ZNF578: variants seen among roughly 807,000 people sequenced by gnomAD.
The protein encoded by ZNF578 is Putative chemokine-related protein B42.
In ZNF578, 8 loss-of-function variants were observed where a neutral mutation model predicts 8.3. The observed-to-expected ratio is 0.96, with a 90% CI of 0.56 to 1.74. The LOEUF (loss-of-function observed/expected upper bound fraction) is 1.74, where lower values mean the gene tolerates loss of function less well. ZNF578 is among the 40% of genes most tolerant of loss of function. The pLI is 0.00. For synonymous variants in ZNF578, 206 were observed against 232.2 expected, an observed-to-expected ratio of 0.89 and a Z score of 1.03; for missense variants, 726 against 707.5, an observed-to-expected ratio of 1.03 and a Z score of -0.30.
chr19:52,473,128 G>A (rs979158), intron 2 of ZNF578, among the ~76,000 whole-genome samples: 128,463 of 152,146 alleles, frequency 0.84, 56,077 homozygotes, highest in Non-Finnish European at 0.96. Flanking sequence ...GGCAGGCCTC[G>A]ACAAAGCCTG....
chr19:52,492,819 A>T (rs2122888682), intron 3 of ZNF578: 1 of 152,346 alleles, frequency 6.6e-6, no homozygotes, highest in South Asian at 2.1e-4. Flanking sequence ...CTGCGCGCGC[A>T]AACCAGGTGG....
In ZNF578 at chr19:52,516,490, TC is replaced by T. The variant is rs2059476600; in HGVS notation, c.*4337del. Among the ~76,000 whole-genome samples, 2 of 152,178 alleles carry T rather than the reference TC, an allele frequency of 1.3e-5. 1 individual carries two copies. The highest frequency in any genetic ancestry group is 2.9e-5 in the Non-Finnish European group (2 of 68,028). ...TGCTCAGGGTGAGGTCTCCTTTGTG[TC>T]AGGCCTCTGAGCCCAAGCTAAGCCA... On this transcript the variant is annotated 3_prime_UTR_variant, in exon 6 of 6. Coordinates refer to ENST00000421239, the MANE Select transcript of ZNF578 (RefSeq NM_001099694.2).
At chr19:52,503,480 G>C (rs1002702623) in intron 4 of ZNF578, among the ~76,000 whole-genome samples, 1 of 152,116 alleles carries the variant, frequency 6.6e-6, no homozygotes, top group African/African-American at 2.4e-5. Flanking sequence ...GGAGTATCTG[G>C]GATTACAGGC....
intron 5 of ZNF578, among the ~76,000 whole-genome samples, chr19:52,510,329 CAT>C (rs1266596038): frequency 3.9e-5 from 6 of 152,104 alleles, no homozygotes; most frequent in African/African-American, 1.4e-4. Flanking sequence ...TAGGCTTACA[CAT>C]GTTTGTGCCC....
At chr19:52,472,140 C>T (rs1269007840) in intron 2 of ZNF578, among the ~76,000 whole-genome samples, 3 of 152,148 alleles carry the variant, frequency 2.0e-5, no homozygotes, top group Admixed American at 6.5e-5. Context: ...CCTGTATTCC[C>T]AGCACTTTGG....
intron 3 of ZNF578, among the ~76,000 whole-genome samples, chr19:52,501,399 A>G (rs940336019): frequency 5.9e-5 from 9 of 152,224 alleles, no homozygotes; most frequent in Non-Finnish European, 1.3e-4. Context: ...ACCCACCCTC[A>G]GTAATACCTG....
intron 2 of ZNF578, among the ~76,000 whole-genome samples, chr19:52,490,057 G>A (rs1364442462): frequency 6.6e-6 from 1 of 152,164 alleles, no homozygotes; most frequent in Admixed American, 6.5e-5. Context: ...ATTCAGACCA[G>A]GGAGCCTGCA....
intron 2 of ZNF578, among the ~76,000 whole-genome samples, chr19:52,459,743 G>A (rs1305177708): frequency 4.1e-5 from 1 of 24,394 alleles, no homozygotes; most frequent in African/African-American, 1.2e-4. Context: ...GTGTGTGTGT[G>A]TGTGTGTGTA....
At chr19:52,497,057 G>A (rs35591322) in intron 3 of ZNF578, among the ~76,000 whole-genome samples, 9,218 of 151,550 alleles carry the variant, frequency 0.061, 298 homozygotes, top group Middle Eastern at 0.13. Flanking sequence ...CTCAGCCTCC[G>A]GAGTAGCTGG....
intron 3 of ZNF578, among the ~76,000 whole-genome samples, chr19:52,493,392 T>TC (rs1475784595): frequency 1.3e-5 from 2 of 152,128 alleles, no homozygotes; most frequent in Admixed American, 6.5e-5. Context: ...ATTGGGCAGG[T>TC]CCCAGGGGCT....
At chr19:52,458,812 A>G (rs147940342) in intron 2 of ZNF578, 85 of 152,254 alleles carry the variant, frequency 5.6e-4, no homozygotes, top group African/African-American at 1.9e-3. Flanking sequence ...TCATTTAGGA[A>G]TAAAGTTTTG....
Position 52,511,694 on chromosome 19 carries a change from A to C in ZNF578, c.1313A>C (p.His438Pro). ...AATGACTGTGGTAAGGCTTTTATTCATCAGTCAAGCCTTGCACGTCATCAT... is the reference window on the plus strand; with the variant it reads ...AATGACTGTGGTAAGGCTTTTATTCCTCAGTCAAGCCTTGCACGTCATCAT... ...KCNDCGKAFIHQSSLARHHRL... is the reference protein window; with the variant it reads ...KCNDCGKAFIPQSSLARHHRL... Residue 438 changes from histidine to proline, a missense_variant, in exon 6 of 6, where the codon CAT (histidine) becomes CCT (proline). His to Pro is a moderately conservative substitution (Grantham distance 77). Transcript: ENST00000421239. 6.2e-7 allele frequency: 1 copy of C among 1,613,764 alleles called. No homozygotes were observed. The highest frequency in any genetic ancestry group is 1.1e-5 in the South Asian group (1 of 91,056).
In ZNF578 at chr19:52,510,937, G is replaced by A. The variant is rs755843410; in HGVS notation, c.556G>A (p.Asp186Asn). 3.1e-6 allele frequency: 5 copies of A among 1,614,070 alleles called. No homozygotes were observed. The highest frequency in any genetic ancestry group is 1.7e-5 in the Admixed American group (1 of 60,002). ...TAATCAAGTGGAGAAGTCTGTCAAC[G>A]ATGCTTCCTCAATTTCAACATCCCA... The part of the protein sequence containing the change: ...IANQVEKSVN[D>N]ASSISTSQRI... Residue 186 changes from aspartate (D) to asparagine (N), a missense_variant, in exon 6 of 6, where the codon GAT becomes AAT. Coordinates refer to ENST00000421239, the MANE Select transcript of ZNF578 (RefSeq NM_001099694.2).
Position 52,510,709 on chromosome 19 carries a change from A to G in ZNF578, c.328A>G (p.Ile110Val). The stretch of plus-strand genomic sequence containing the variant: ...TTGCTTCCAGGAAATTGAAAAAGAT[A>G]TTCATGACTTTGAGTTTCAGTCACA... ...DFCFQEIEKD[I>V]HDFEFQSQKD... The change falls in exon 6 of 6, where the codon ATT becomes GTT. Residue 110 changes from isoleucine (I) to valine (V), a missense_variant. Transcript: ENST00000421239. The G allele has an allele frequency of 6.2e-7, 1 of 1,613,044 alleles. No homozygotes were observed. The highest frequency in any genetic ancestry group is 1.7e-5 in the Admixed American group (1 of 59,652).
At chr19:52,456,218 T>C (rs544082734) in intron 1 of ZNF578, 8 of 152,276 alleles carry the variant, frequency 5.3e-5, no homozygotes, top group African/African-American at 1.9e-4. Flanking sequence ...TTCTTTCTGC[T>C]CTTTTGCTGT....
In ZNF578 at chr19:52,469,615, G is replaced by A. The variant is rs182008961; in HGVS notation, c.-122+12657G>A. ...CTTGGTATGCATTGTTCAGAGACTT[G>A]TGCAAAATAAATGTATTTGATACTC... On this transcript the variant is annotated intron_variant, in intron 2 of 5. Coordinates refer to ENST00000421239, the MANE Select transcript of ZNF578 (RefSeq NM_001099694.2). Among the ~76,000 whole-genome samples, 231 of 152,272 alleles carry A rather than the reference G, an allele frequency of 1.5e-3. 3 individuals are homozygous for A. In the East Asian group the frequency reaches 0.023, roughly 15 times the overall value.
chr19:52,483,430 T>G (rs62108409), intron 2 of ZNF578, among the ~76,000 whole-genome samples: 21,898 of 152,022 alleles, frequency 0.14, 1,981 homozygotes, highest in Non-Finnish European at 0.2. Flanking sequence ...AATACGTAAA[T>G]AAATAATAAA....
At chr19:52,502,090 A>C (rs1486539251) in intron 4 of ZNF578, among the ~76,000 whole-genome samples, 182 bp downstream of exon 4, 1 of 152,158 alleles carries the variant, frequency 6.6e-6, no homozygotes, top group African/African-American at 2.4e-5. Context: ...TGCTCAAAAG[A>C]ATTCCATCTC....
chr19:52,475,398 CTGGAGTGCAG>C (rs908768992), intron 2 of ZNF578, among the ~76,000 whole-genome samples: 5 of 149,718 alleles, frequency 3.3e-5, no homozygotes, highest in Non-Finnish European at 4.4e-5. Flanking sequence ...GTCGCCCAGG[CTGGAGTGCAG>C]TGGAGTGCAG....
Sources: gnomAD v4.1 joint callset for allele counts (sites outside exome capture counted in the v4.1 genomes callset) on GRCh38, gnomAD v4.1.1 for gene constraint, MANE v1.5 for transcripts, NCBI Gene and HGNC (gene_info 2026-07-23, HGNC 2026-07-21) for gene names.